Variants in PREX2 observed in about 807,000 individuals in gnomAD.
PREX2 encodes the protein phosphatidylinositol 3,4,5-trisphosphate-dependent Rac exchanger 2 protein.
In PREX2, 107 loss-of-function variants were observed where a neutral mutation model predicts 203.2. That is an observed-to-expected ratio of 0.53 (90% CI 0.45 to 0.62). PREX2 has a LOEUF of 0.62. PREX2 is among the 20% of genes least tolerant of loss of function. PREX2 has a pLI of 0.00. For missense variants in PREX2, 1,777 were observed against 1,955.9 expected, an observed-to-expected ratio of 0.91 and a Z score of 1.72; for synonymous variants, 672 against 663.6, an observed-to-expected ratio of 1.01 and a Z score of -0.19.
At chr8:68,205,423 G>A (rs1812602132) in intron 37 of PREX2, among the ~76,000 whole-genome samples, 1 of 152,136 alleles carries the variant, frequency 6.6e-6, no homozygotes. Flanking sequence ...ATTTTCTCAA[G>A]ACTTTCGCTT....
chr8:68,139,785 A>G (rs1402495186), intron 33 of PREX2, among the ~76,000 whole-genome samples: 1 of 152,240 alleles, frequency 6.6e-6, no homozygotes, highest in African/African-American at 2.4e-5. Context: ...GAAGAGAACA[A>G]GAAGCACAAA....
chr8:68,208,004 G>T (rs995963799), intron 37 of PREX2, among the ~76,000 whole-genome samples: 3 of 152,140 alleles, frequency 2.0e-5, no homozygotes, highest in African/African-American at 7.2e-5. Context: ...ATATTGTGAA[G>T]ATCTTGTATT....
chr8:68,222,252 A>G (rs1812967485), intron 38 of PREX2, among the ~76,000 whole-genome samples: 1 of 152,146 alleles, frequency 6.6e-6, no homozygotes, highest in South Asian at 2.1e-4. Flanking sequence ...CCATTCTCCA[A>G]TAAAAATAGC....
At chr8:67,952,689 T>A in intron 1 of PREX2, 154 bp downstream of exon 1, 1 of 1,074,442 alleles carries the variant, frequency 9.3e-7, no homozygotes, top group Non-Finnish European at 1.4e-6. Context: ...GACTCTGCGT[T>A]CGCGGGCGCG....
intron 14 of PREX2, among the ~76,000 whole-genome samples, chr8:68,075,020 T>C (rs1275734462): frequency 2.0e-5 from 3 of 152,232 alleles, no homozygotes; most frequent in Non-Finnish European, 4.4e-5. Flanking sequence ...ATTTGGCATG[T>C]GCAGTAATAT....
intron 8 of PREX2, among the ~76,000 whole-genome samples, chr8:68,051,079 A>G (rs1178548085): frequency 6.6e-6 from 1 of 152,110 alleles, no homozygotes; most frequent in African/African-American, 2.4e-5. Flanking sequence ...AGGGAGGGCC[A>G]GCAGGGTGTG....
At chr8:67,963,075 G>A (rs897762986) in intron 1 of PREX2, among the ~76,000 whole-genome samples, 2 of 152,104 alleles carry the variant, frequency 1.3e-5, no homozygotes, top group African/African-American at 2.4e-5. Flanking sequence ...TTTAGGTCCA[G>A]CTTAAGACTA....
intron 6 of PREX2, among the ~76,000 whole-genome samples, chr8:68,036,049 C>T (rs985196785): frequency 2.6e-5 from 4 of 152,100 alleles, no homozygotes; most frequent in Non-Finnish European, 4.4e-5. Context: ...GTCAGTCAAT[C>T]GTACTCTTTT....
chr8:68,038,571 C>T (rs1808102429), intron 7 of PREX2, among the ~76,000 whole-genome samples: 1 of 152,120 alleles, frequency 6.6e-6, no homozygotes, highest in Admixed American at 6.6e-5. Context: ...TCCTAACCCA[C>T]ATATCTCAGG....
intron 1 of PREX2, among the ~76,000 whole-genome samples, chr8:67,994,429 A>T (rs1806705720): frequency 6.6e-6 from 1 of 152,200 alleles, no homozygotes; most frequent in Non-Finnish European, 1.5e-5. Context: ...GGGGATAGAG[A>T]AGAGAAGACG....
chr8:67,956,620 G>A (rs1243752201), intron 1 of PREX2, among the ~76,000 whole-genome samples: 1 of 152,200 alleles, frequency 6.6e-6, no homozygotes. Flanking sequence ...GGAAAATTGT[G>A]TAGGCCATTT....
At chr8:67,976,439 GGA>G (rs1806089027) in intron 1 of PREX2, among the ~76,000 whole-genome samples, 1 of 130,972 alleles carries the variant, frequency 7.6e-6, no homozygotes, top group African/African-American at 2.7e-5. Flanking sequence ...GAGAGAGATG[GGA>G]GAGAGACAGA....
chr8:68,100,782 A>AG (rs1255026990), intron 23 of PREX2, among the ~76,000 whole-genome samples: 8 of 152,176 alleles, frequency 5.3e-5, no homozygotes, highest in African/African-American at 1.9e-4. Flanking sequence ...GGTTTTAAGC[A>AG]GGGGGATGAC....
chr8:68,223,421 TG>T (rs1433402542), intron 38 of PREX2: 4 of 152,360 alleles, frequency 2.6e-5, no homozygotes, highest in Non-Finnish European at 4.4e-5. Context: ...TAACTGCTTT[TG>T]GATTAGCCAA....
At chr8:68,192,747 A>C in intron 37 of PREX2, 6 of 404,978 alleles carry the variant, frequency 1.5e-5, no homozygotes, top group Non-Finnish European at 2.6e-5. Context: ...ATTGTGGCCC[A>C]AAATCTTATC....
chr8:68,167,647 T>C (rs887020948), intron 35 of PREX2, among the ~76,000 whole-genome samples: 6 of 152,182 alleles, frequency 3.9e-5, no homozygotes, highest in African/African-American at 1.4e-4. Flanking sequence ...TTTCTAATCA[T>C]GTGCTGTACT....
At position 68,192,372 on chromosome 8, in the gene PREX2, G is replaced by A. The variant is rs563106453; in HGVS notation, c.4451G>A (p.Arg1484Gln). ...CTCAACGCTTTGGATGAACTTTACCGACTGGTAGCCTCGTTTATCAGATCC... is the reference window on the plus strand; with the variant it reads ...CTCAACGCTTTGGATGAACTTTACCAACTGGTAGCCTCGTTTATCAGATCC... ...RPLNALDELYRLVASFIRSKR... is the reference protein window; with the variant it reads ...RPLNALDELYQLVASFIRSKR... The change falls in exon 37 of 40, where the codon CGA becomes CAA. Residue 1484 changes from arginine to glutamine, a missense_variant. Physicochemically the swap from Arg to Gln is conservative, Grantham distance 43. Coordinates refer to ENST00000288368, the MANE Select transcript of PREX2 (RefSeq NM_024870.4). The A allele has an allele frequency of 8.7e-6, 14 of 1,610,512 alleles. No individual in the cohort carries two copies. The highest frequency in any genetic ancestry group is 2.2e-5 in the East Asian group (1 of 44,762).
Position 68,055,742 on chromosome 8 carries a change from G to T in PREX2, c.1094-88G>T, listed in dbSNP as rs531377733. ...ACAACCCCCAGCACATGGTAGACCT[G>T]CAACAAATGCTTGCTTAATGAAGCC... On this transcript the variant is annotated intron_variant, in intron 9 of 39. Transcript: ENST00000288368. The T allele has an allele frequency of 2.4e-5, 30 of 1,259,718 alleles. No individual in the cohort carries two copies. In the African/African-American group the frequency reaches 3.9e-4, roughly 17 times the overall value. 78.0% of individuals were successfully genotyped at this position (1,259,718 alleles called of 1,614,324 possible). A position where few individuals can be genotyped will look rare whatever the true frequency, so the allele number is the denominator to read the frequency against.
At chr8:68,081,267 G>A (rs1195730651) in intron 17 of PREX2, among the ~76,000 whole-genome samples, 2 of 152,178 alleles carry the variant, frequency 1.3e-5, no homozygotes, top group Non-Finnish European at 2.9e-5. Flanking sequence ...GCGCTCCTAT[G>A]AGAATGTAAT....
Sources: allele counts gnomAD v4.1 joint callset (sites outside exome capture counted in the v4.1 genomes callset), GRCh38; gene constraint gnomAD v4.1.1; transcripts MANE v1.5; gene names NCBI Gene and HGNC (gene_info 2026-07-23, HGNC 2026-07-21).